PJA2: variants seen among roughly 807,000 people sequenced by gnomAD.
The protein encoded by PJA2 is praja ring finger ubiquitin ligase 2, also known as E3 ubiquitin-protein ligase Praja-2.
A neutral mutation model predicts 69.3 loss-of-function variants in PJA2; 25 were observed. The observed-to-expected ratio is 0.36, with a 90% CI of 0.26 to 0.50. The LOEUF (loss-of-function observed/expected upper bound fraction) is 0.50, where lower values mean the gene tolerates loss of function less well. Among genes scored for constraint, PJA2 ranks in the 20% least tolerant of loss-of-function variants. PJA2 has a pLI of 0.96. For synonymous variants in PJA2, 308 were observed against 277.8 expected (o/e 1.11, Z -1.08); for missense variants, 809 against 830.2 (o/e 0.97, Z 0.31).
At chr5:109,337,754 C>A (rs950061144) in intron 9 of PJA2, among the ~76,000 whole-genome samples, 5 of 151,814 alleles carry the variant, frequency 3.3e-5, no homozygotes, top group African/African-American at 1.2e-4. Flanking sequence ...GTCTATTATG[C>A]GTTTACTAGA....
At chr5:109,369,214 T>C (rs1762632571) in intron 4 of PJA2, among the ~76,000 whole-genome samples, 1 of 152,200 alleles carries the variant, frequency 6.6e-6, no homozygotes, top group Non-Finnish European at 1.5e-5. Context: ...TTTATAGCAA[T>C]GCAAGGATGA....
chr5:109,391,975 T>C (rs968049644), intron 1 of PJA2, among the ~76,000 whole-genome samples: 2 of 152,202 alleles, frequency 1.3e-5, no homozygotes, highest in Admixed American at 6.5e-5. Context: ...AAAAATCCCA[T>C]ACTCATTGGC....
intron 6 of PJA2, among the ~76,000 whole-genome samples, chr5:109,358,026 T>C (rs780725302): frequency 3.3e-5 from 5 of 152,234 alleles, no homozygotes; most frequent in African/African-American, 4.8e-5. Context: ...AGGCTGGGTG[T>C]GGTGGCTGTA....
chr5:109,375,864 C>A (rs1342001085), intron 4 of PJA2, among the ~76,000 whole-genome samples: 1 of 152,080 alleles, frequency 6.6e-6, no homozygotes, highest in Non-Finnish European at 1.5e-5. Context: ...TAAAAAGGCA[C>A]CCTGGCAACT....
intron 6 of PJA2, among the ~76,000 whole-genome samples, chr5:109,361,627 G>C (rs1026780362): frequency 6.6e-6 from 1 of 152,268 alleles, no homozygotes; most frequent in African/African-American, 2.4e-5. Context: ...CAGAAACGGA[G>C]GAAAAGAGAG....
rs781607983 is a variant in PJA2 at position 109,344,759 on chromosome 5, T to C, written c.1825A>G (p.Ser609Gly). 6.2e-7 allele frequency: 1 copy of C among 1,614,090 alleles called. No homozygotes were observed. Among genetic ancestry groups the C allele is most frequent in the Non-Finnish European group, 8.5e-7 (1 of 1,179,986 alleles). ...VDVEVANPPASKESIDGLPET... is the reference protein window; with the variant it reads ...VDVEVANPPAGKESIDGLPET... ...GGAAGACCATCAATGCTTTCCTTAC[T>C]AGCTGGTGGATTGGCCACCTCAACA... is the stretch of plus-strand genomic sequence containing the variant. The change falls in exon 8 of 10, where the codon AGT becomes GGT. Residue 609 changes from serine (S) to glycine (G), a missense_variant. By Grantham distance (56) the Ser-to-Gly change is moderately conservative. Transcript: ENST00000361189.
At chr5:109,403,027 G>A (rs138907699) in intron 1 of PJA2, among the ~76,000 whole-genome samples, 1 of 151,072 alleles carries the variant, frequency 6.6e-6, no homozygotes, top group East Asian at 1.9e-4. Flanking sequence ...GAAAGAAATA[G>A]TAAGAAGCAG....
chr5:109,382,540 A>G (rs986621845), intron 2 of PJA2, among the ~76,000 whole-genome samples: 6 of 152,194 alleles, frequency 3.9e-5, no homozygotes, highest in African/African-American at 1.2e-4. Flanking sequence ...CTCACAGCAT[A>G]TGGTATAGTC....
chr5:109,361,526 C>T (rs1427401156), intron 6 of PJA2, among the ~76,000 whole-genome samples: 1 of 152,202 alleles, frequency 6.6e-6, no homozygotes, highest in African/African-American at 2.4e-5. Flanking sequence ...ATTCTTTCAA[C>T]TGCTGAACAC....
chr5:109,378,493 C>T lies in PJA2; in HGVS notation c.994G>A (p.Gly332Ser), dbSNP rs1301444885. ...TGTTTCGCCTCATGCCTATTAAAACCTGTTTCTTGGTCCACCTGGCTTGAA... is the reference window on the plus strand; with the variant it reads ...TGTTTCGCCTCATGCCTATTAAAACTTGTTTCTTGGTCCACCTGGCTTGAA... ...ISSSQVDQET[G>S]FNRHEAKQRS... Residue 332 changes from glycine (G) to serine (S), a missense_variant, in exon 4 of 10, where the codon GGT becomes AGT. Physicochemically the swap from Gly to Ser is moderately conservative, Grantham distance 56. Coordinates refer to ENST00000361189, the MANE Select transcript of PJA2 (RefSeq NM_014819.5). 1 of 1,614,018 alleles carries T rather than the reference C, an allele frequency of 6.2e-7. No individual in the cohort carries two copies. The highest frequency in any genetic ancestry group is 1.3e-5 in the African/African-American group (1 of 74,896).
chr5:109,375,071 C>T (rs1253369316), intron 4 of PJA2, among the ~76,000 whole-genome samples: 1 of 152,138 alleles, frequency 6.6e-6, no homozygotes, highest in Non-Finnish European at 1.5e-5. Context: ...CAATGTTTAT[C>T]CCACAGAGTG....
chr5:109,400,267 G>A (rs1177655396), intron 1 of PJA2, among the ~76,000 whole-genome samples: 1 of 151,448 alleles, frequency 6.6e-6, no homozygotes, highest in Admixed American at 6.6e-5. Flanking sequence ...CTCCAGTCTG[G>A]GTGATGGACT....
At chr5:109,354,277 T>TAGATTAGATATCTATGATATCTAG (rs1561345971) in intron 7 of PJA2, among the ~76,000 whole-genome samples, 12 of 142,790 alleles carry the variant, frequency 8.4e-5, no homozygotes, top group African/African-American at 3.2e-4. Context: ...GAGATATCTA[T>TAGATTAGATATCTATGATATCTAG]AGATTAGATA....
In PJA2 at chr5:109,354,522, GATATCTATAATATCT is replaced by G. The variant is rs1762372444; in HGVS notation, c.1764+1378_1764+1392del. Among the ~76,000 whole-genome samples the G allele has an allele frequency of 6.8e-5, 3 of 44,086 alleles. No homozygotes were observed. In the South Asian group the frequency reaches 1.8e-3, roughly 27 times the overall value. 28.9% of individuals were successfully genotyped at this position (44,086 alleles called of 152,430 possible). On this transcript the variant is annotated intron_variant, in intron 7 of 9. Transcript: ENST00000361189. ...ATCATAGATATCTATATCGATATTA[GATATCTATAATATCT>G]ATAGATATCTATATCGATATTAGAT... is the stretch of plus-strand genomic sequence containing the variant.
intron 1 of PJA2, among the ~76,000 whole-genome samples, chr5:109,403,348 GTA>G (rs1747606498): frequency 6.6e-6 from 1 of 152,002 alleles, no homozygotes; most frequent in African/African-American, 2.4e-5. Flanking sequence ...TAATAATCCT[GTA>G]TTTATTAAAG....
chr5:109,378,106 C>T, intron 4 of PJA2, 98 bp downstream of exon 4: 1 of 828,040 alleles, frequency 1.2e-6, no homozygotes, highest in South Asian at 1.8e-5. Flanking sequence ...ATGTCTAATT[C>T]CCTGATCATA....
intron 6 of PJA2, among the ~76,000 whole-genome samples, chr5:109,358,610 A>T (rs963164478): frequency 6.6e-6 from 1 of 152,170 alleles, no homozygotes; most frequent in African/African-American, 2.4e-5. Context: ...CTTTGAGCTC[A>T]GGAGTTCAAG....
Position 109,403,272 on chromosome 5 carries a change from G to A in PJA2, c.-88+6570C>T, listed in dbSNP as rs189299129. On this transcript the variant is annotated intron_variant, in intron 1 of 9. Coordinates refer to ENST00000361189, the MANE Select transcript of PJA2 (RefSeq NM_014819.5). The stretch of plus-strand genomic sequence containing the variant: ...GCCTTGAAAGACAAAAACTACTAAC[G>A]CTCACTTAGTGAGTGAAAGTGATTC... Among the ~76,000 whole-genome samples, 366 of 152,072 alleles carry A rather than the reference G, an allele frequency of 2.4e-3. 1 individual carries two copies. Among genetic ancestry groups the A allele is most frequent in the African/African-American group, 8.4e-3 (348 of 41,508 alleles).
intron 8 of PJA2, 27 bp downstream of exon 8, chr5:109,344,678 A>C (rs1466572181): frequency 2.8e-6 from 4 of 1,433,762 alleles, no homozygotes; most frequent in Non-Finnish European, 3.9e-6. Context: ...TGTGTTCTTC[A>C]ACATTTGAGA....
Sources: allele counts gnomAD v4.1 joint callset (sites outside exome capture counted in the v4.1 genomes callset), GRCh38; gene constraint gnomAD v4.1.1; transcripts MANE v1.5; gene names NCBI Gene and HGNC (gene_info 2026-07-23, HGNC 2026-07-21).